GRID1: variants seen among roughly 807,000 people sequenced by gnomAD.
The protein encoded by GRID1 is glutamate ionotropic receptor delta type subunit 1.
GRID1 carries 28 observed loss-of-function variants against 98.0 expected under a neutral mutation model. The ratio of observed to expected loss-of-function variants is 0.29; its 90% CI spans 0.21 to 0.39. The LOEUF (loss-of-function observed/expected upper bound fraction) is 0.39, where lower values mean the gene tolerates loss of function less well. Among genes scored for constraint, GRID1 ranks in the 10% least tolerant of loss-of-function variants. GRID1 has a pLI of 1.00. For synonymous variants in GRID1, 553 were observed against 538.5 expected, an observed-to-expected ratio of 1.03 and a Z score of -0.37; for missense variants, 1,111 against 1,340.5, an observed-to-expected ratio of 0.83 and a Z score of 2.67.
chr10:86,142,562 T>C (rs987988015), intron 3 of GRID1, among the ~76,000 whole-genome samples: 2 of 152,242 alleles, frequency 1.3e-5, no homozygotes, highest in African/African-American at 2.4e-5. Context: ...AGCTGCAGGA[T>C]GGGCATAAAG....
intron 5 of GRID1, among the ~76,000 whole-genome samples, chr10:85,885,230 C>A (rs1315410619): frequency 1.3e-5 from 2 of 152,188 alleles, no homozygotes; most frequent in Admixed American, 1.3e-4. Context: ...TCCTCACATC[C>A]TCCCAAAAGG....
At chr10:86,352,284 C>T (rs1259674667) in intron 2 of GRID1, among the ~76,000 whole-genome samples, 1 of 152,166 alleles carries the variant, frequency 6.6e-6, no homozygotes. Flanking sequence ...GTCCACGCTC[C>T]CTCAGGCAGT....
chr10:85,938,605 A>G (rs924846609), intron 4 of GRID1, among the ~76,000 whole-genome samples: 1 of 152,194 alleles, frequency 6.6e-6, no homozygotes, highest in African/African-American at 2.4e-5. Context: ...GATACAAACG[A>G]GCCAGGATTT....
intron 4 of GRID1, among the ~76,000 whole-genome samples, chr10:86,080,867 A>G (rs1329202460): frequency 1.3e-5 from 2 of 152,218 alleles, no homozygotes; most frequent in African/African-American, 4.8e-5. Flanking sequence ...CAGGGTATCT[A>G]CACACCAACT....
At chr10:86,338,312 A>G (rs1271934485) in intron 2 of GRID1, among the ~76,000 whole-genome samples, 2 of 152,150 alleles carry the variant, frequency 1.3e-5, no homozygotes, top group African/African-American at 2.4e-5. Flanking sequence ...TCGAGTGGAA[A>G]GGGAATGTGG....
chr10:85,680,933 G>A (rs568914341), intron 12 of GRID1, among the ~76,000 whole-genome samples: 11 of 152,254 alleles, frequency 7.2e-5, no homozygotes, highest in African/African-American at 2.6e-4. Context: ...GAGCTAAATA[G>A]TGTGTACACA....
intron 12 of GRID1, among the ~76,000 whole-genome samples, chr10:85,661,032 A>G (rs1840959946): frequency 6.6e-6 from 1 of 152,132 alleles, no homozygotes; most frequent in Non-Finnish European, 1.5e-5. Context: ...AGTGTTAGCT[A>G]TCGTTATGAG....
intron 4 of GRID1, among the ~76,000 whole-genome samples, chr10:86,074,884 G>C (rs889787073): frequency 1.1e-4 from 17 of 152,252 alleles, no homozygotes; most frequent in Non-Finnish European, 2.2e-4. Context: ...GAATGATACA[G>C]GGAAGGAGGA....
At chr10:85,652,548 T>A (rs968765222) in intron 12 of GRID1, among the ~76,000 whole-genome samples, 5 of 152,170 alleles carry the variant, frequency 3.3e-5, no homozygotes, top group Non-Finnish European at 5.9e-5. Context: ...TCCTGGTGAC[T>A]TGAAACTTTC....
chr10:86,330,586 A>G (rs984956805), intron 2 of GRID1, among the ~76,000 whole-genome samples: 2 of 152,058 alleles, frequency 1.3e-5, no homozygotes, highest in Non-Finnish European at 2.9e-5. Flanking sequence ...TCTTGCCCCA[A>G]CCACAGGCTG....
At chr10:86,300,683 T>A (rs879788650) in intron 2 of GRID1, among the ~76,000 whole-genome samples, 2 of 152,044 alleles carry the variant, frequency 1.3e-5, no homozygotes, top group Non-Finnish European at 2.9e-5. Flanking sequence ...ACCTGAGCTA[T>A]CCAACACTTA....
At chr10:86,004,885 A>C (rs1432365755) in intron 4 of GRID1, among the ~76,000 whole-genome samples, 2 of 152,160 alleles carry the variant, frequency 1.3e-5, no homozygotes, top group African/African-American at 2.4e-5. Flanking sequence ...CCTTTCTGGA[A>C]TCTTGAGACA....
At chr10:86,343,039 C>T (rs1004944147) in intron 2 of GRID1, among the ~76,000 whole-genome samples, 1 of 152,210 alleles carries the variant, frequency 6.6e-6, no homozygotes, top group African/African-American at 2.4e-5. Context: ...GGACTTTATG[C>T]AGCAGCCTTT....
At chr10:86,287,568 G>A (rs541463660) in intron 2 of GRID1, among the ~76,000 whole-genome samples, 27 of 152,272 alleles carry the variant, frequency 1.8e-4, no homozygotes, top group African/African-American at 5.3e-4. Context: ...AACCTGCCAC[G>A]TTGGGTCCTT....
At chr10:86,034,007 A>G (rs2131894675) in intron 4 of GRID1, among the ~76,000 whole-genome samples, 1 of 152,352 alleles carries the variant, frequency 6.6e-6, no homozygotes, top group East Asian at 1.9e-4. Context: ...TCTTCAGGGG[A>G]CAATGTTATT....
At chr10:86,200,966 A>G (rs1170780049) in intron 3 of GRID1, among the ~76,000 whole-genome samples, 3 of 152,328 alleles carry the variant, frequency 2.0e-5, no homozygotes, top group East Asian at 3.9e-4. Context: ...TATATTGCAC[A>G]TGGTAGTGTG....
chr10:85,737,824 GC>G, intron 8 of GRID1, among the ~76,000 whole-genome samples: 1 of 150,614 alleles, frequency 6.6e-6, no homozygotes, highest in South Asian at 2.1e-4. Flanking sequence ...ACTTGCAATT[GC>G]AAAACCACCC....
At chr10:86,112,477 T>G (rs1844503075) in intron 4 of GRID1, among the ~76,000 whole-genome samples, 1 of 152,216 alleles carries the variant, frequency 6.6e-6, no homozygotes, top group Admixed American at 6.5e-5. Context: ...TATTGTTCCC[T>G]TCTCCTCAGC....
At chr10:85,886,089 C>A (rs967390585) in intron 5 of GRID1, among the ~76,000 whole-genome samples, 1 of 152,152 alleles carries the variant, frequency 6.6e-6, no homozygotes, top group Non-Finnish European at 1.5e-5. Flanking sequence ...GGTCCCAGAC[C>A]ACCTGGGTTG....
Sources: allele counts gnomAD v4.1 joint callset (sites outside exome capture counted in the v4.1 genomes callset), GRCh38; gene constraint gnomAD v4.1.1; transcripts MANE v1.5; gene names NCBI Gene and HGNC (gene_info 2026-07-23, HGNC 2026-07-21).